The following TBC1D5 variants were observed in gnomAD, a reference collection of about 807,000 sequenced individuals.
TBC1D5 encodes the protein TBC1 domain family, member 5.
TBC1D5 carries 75 observed loss-of-function variants against 100.3 expected under a neutral mutation model. The observed-to-expected ratio is 0.75, with a 90% CI of 0.62 to 0.91. The LOEUF (loss-of-function observed/expected upper bound fraction) is 0.91. TBC1D5 is among the 40% of genes least tolerant of loss of function. The probability of loss-of-function intolerance (pLI) is 0.00; values close to 1 mark genes in which losing one functional copy is unlikely to be tolerated. For missense variants in TBC1D5, 910 were observed against 942.4 expected (o/e 0.97, Z 0.45); for synonymous variants, 323 against 325.6 (o/e 0.99, Z 0.09).
At chr3:17,273,889 C>T (rs1312434963) in intron 15 of TBC1D5, among the ~76,000 whole-genome samples, 2 of 149,026 alleles carry the variant, frequency 1.3e-5, no homozygotes, top group African/African-American at 5.0e-5. Flanking sequence ...GGAAATGCAA[C>T]AAATTGTTCA....
At chr3:17,477,247 T>C (rs2095448399) in intron 3 of TBC1D5, among the ~76,000 whole-genome samples, 1 of 152,046 alleles carries the variant, frequency 6.6e-6, no homozygotes, top group Admixed American at 6.5e-5. Context: ...CAAAATTTGG[T>C]AAAATATGTT....
Position 17,422,353 on chromosome 3 carries a change from TG to T in TBC1D5, c.167+6096del, listed in dbSNP as rs201756633. Among the ~76,000 whole-genome samples the T allele has an allele frequency of 1.3e-3, 191 of 151,404 alleles. No homozygotes were observed. In the Middle Eastern group the frequency reaches 0.014, roughly 11 times the overall value. ...TGGCTAATTTTGTTTTTTGTTTTTT[TG>T]TTTTTTTTTTTCAGTAGAGACGGGG... On this transcript the variant is annotated intron_variant, in intron 4 of 21. Coordinates refer to ENST00000253692, the Ensembl canonical transcript of TBC1D5.
At position 17,189,494 on chromosome 3, in the gene TBC1D5, T is replaced by C. The variant is rs73817205; in HGVS notation, c.1753-4286A>G. Among the ~76,000 whole-genome samples, 1,169 of 152,294 alleles carry C rather than the reference T, an allele frequency of 7.7e-3. 13 individuals carry two copies. The highest frequency in any genetic ancestry group is 0.026 in the African/African-American group (1,072 of 41,566). On this transcript the variant is annotated intron_variant, in intron 18 of 21. Coordinates refer to ENST00000253692, the Ensembl canonical transcript of TBC1D5. ...GGACCAGAAGATGAGGGCCACTCTATAAGAAGAGAAAAATAACTAGCATCA... is the reference window on the plus strand; with the variant it reads ...GGACCAGAAGATGAGGGCCACTCTACAAGAAGAGAAAAATAACTAGCATCA...
intron 19 of TBC1D5, among the ~76,000 whole-genome samples, chr3:17,177,093 T>G (rs758559229): frequency 6.6e-6 from 1 of 152,150 alleles, no homozygotes; most frequent in Non-Finnish European, 1.5e-5. Flanking sequence ...CCAAAGATGA[T>G]GGACTTGGTA....
At chr3:17,708,949 A>G (rs924877083) in intron 1 of TBC1D5, among the ~76,000 whole-genome samples, 10 of 152,184 alleles carry the variant, frequency 6.6e-5, no homozygotes, top group African/African-American at 2.4e-4. Context: ...CACCACTTCT[A>G]AGCAATTATA....
chr3:17,254,766 T>TGGGC (rs1553636737), intron 16 of TBC1D5, among the ~76,000 whole-genome samples: 10 of 73,238 alleles, frequency 1.4e-4, no homozygotes, highest in African/African-American at 5.6e-4. Flanking sequence ...GTGGCGGGGG[T>TGGGC]GGGGGGGGGG....
intron 15 of TBC1D5, among the ~76,000 whole-genome samples, chr3:17,283,460 C>G (rs996798404): frequency 1.3e-5 from 2 of 152,102 alleles, no homozygotes; most frequent in Non-Finnish European, 1.5e-5. Context: ...GCAAAACTGA[C>G]TGAGACTGGT....
At chr3:17,653,111 C>T (rs1160077330) in intron 1 of TBC1D5, among the ~76,000 whole-genome samples, 1 of 152,028 alleles carries the variant, frequency 6.6e-6, no homozygotes, top group African/African-American at 2.4e-5. Context: ...TTACATGAAA[C>T]ATCCAGAATA....
At chr3:17,235,489 A>G (rs763801871) in intron 17 of TBC1D5, among the ~76,000 whole-genome samples, 18 of 152,222 alleles carry the variant, frequency 1.2e-4, no homozygotes, top group Non-Finnish European at 2.4e-4. Context: ...GACAGGCTGA[A>G]TATTGTGTTC....
chr3:17,272,751 C>G (rs1037397502), intron 15 of TBC1D5, among the ~76,000 whole-genome samples: 4 of 152,132 alleles, frequency 2.6e-5, no homozygotes, highest in Non-Finnish European at 5.9e-5. Flanking sequence ...TGTTAATTCT[C>G]AGTTTTCCTT....
chr3:17,708,732 A>C (rs1265339643), intron 1 of TBC1D5, among the ~76,000 whole-genome samples: 9 of 152,182 alleles, frequency 5.9e-5, no homozygotes, highest in Non-Finnish European at 1.3e-4. Context: ...GTATTGATAT[A>C]TTTTCCATTC....
chr3:17,325,362 G>A (rs902467376), intron 13 of TBC1D5, among the ~76,000 whole-genome samples: 4 of 138,038 alleles, frequency 2.9e-5, no homozygotes, highest in Admixed American at 7.9e-5. Context: ...TTGCCCTGTC[G>A]CCCAGGCTGG....
At chr3:17,492,015 C>A (rs2095645438) in intron 3 of TBC1D5, among the ~76,000 whole-genome samples, 1 of 152,054 alleles carries the variant, frequency 6.6e-6, no homozygotes, top group Non-Finnish European at 1.5e-5. Context: ...CTTTCTGGTT[C>A]AGTCATGGGA....
chr3:17,495,450 A>C (rs970598430), intron 3 of TBC1D5, among the ~76,000 whole-genome samples: 20 of 152,382 alleles, frequency 1.3e-4, no homozygotes, highest in African/African-American at 4.6e-4. Context: ...TCTCCTTTTC[A>C]CATTAAGTTG....
In TBC1D5 at chr3:17,405,096, C is replaced by T. The variant is rs1182403709; in HGVS notation, c.277-135G>A. The T allele has an allele frequency of 1.1e-5, 5 of 456,922 alleles. No homozygotes were observed. The Admixed American group carries it at 1.6e-4, about 14-fold the overall frequency. The allele number at this position is 456,922 out of a possible 1,614,324, so 28.3% of individuals were successfully genotyped here. The stretch of plus-strand genomic sequence containing the variant: ...CATATTCATATCATCATTTCAATTC[C>T]TACCAATTTCTGTTTGGAGATATTT... On this transcript the variant is annotated intron_variant, in intron 5 of 21. Transcript: ENST00000253692.
At chr3:17,364,812 T>C (rs2091996481) in intron 13 of TBC1D5, among the ~76,000 whole-genome samples, 2 of 152,214 alleles carry the variant, frequency 1.3e-5, no homozygotes, top group African/African-American at 4.8e-5. Flanking sequence ...GTCTTATTAA[T>C]AGCCAGGAAT....
intron 15 of TBC1D5, among the ~76,000 whole-genome samples, chr3:17,262,925 T>C (rs1048769475): frequency 8.6e-5 from 13 of 151,966 alleles, no homozygotes; most frequent in Admixed American, 7.2e-4. Context: ...GAAGTTTATA[T>C]AACTATACAT....
At chr3:17,255,390 CA>C (rs1396172437) in intron 16 of TBC1D5, among the ~76,000 whole-genome samples, 5 of 152,012 alleles carry the variant, frequency 3.3e-5, no homozygotes, top group African/African-American at 1.2e-4. Flanking sequence ...TTAATAGAGA[CA>C]GGGTTTCACC....
intron 2 of TBC1D5, among the ~76,000 whole-genome samples, chr3:17,613,780 A>G (rs372538553): frequency 1.3e-5 from 2 of 152,194 alleles, no homozygotes; most frequent in South Asian, 4.1e-4. Flanking sequence ...TAGATTCTGG[A>G]TATTAGCTCT....
Sources: gnomAD v4.1 joint callset for allele counts (sites outside exome capture counted in the v4.1 genomes callset) on GRCh38, gnomAD v4.1.1 for gene constraint, MANE v1.5 for transcripts, NCBI Gene and HGNC (gene_info 2026-07-23, HGNC 2026-07-21) for gene names.